TANGO2: variants seen among roughly 807,000 people sequenced by gnomAD.
TANGO2 encodes transport and golgi organization 2 homolog.
TANGO2 carries 26 observed loss-of-function variants against 39.1 expected under a neutral mutation model. The ratio of observed to expected loss-of-function variants is 0.67; its 90% confidence interval spans 0.49 to 0.92. The LOEUF (loss-of-function observed/expected upper bound fraction) is 0.92, where lower values mean the gene tolerates loss of function less well. TANGO2 is among the 40% of genes least tolerant of loss of function. TANGO2 has a pLI of 0.00. For missense variants in TANGO2, 326 were observed against 360.1 expected, an observed-to-expected ratio of 0.91 and a Z score of 0.77; for synonymous variants, 131 against 144.5, an observed-to-expected ratio of 0.91 and a Z score of 0.67.
upstream of TANGO2, among the ~76,000 whole-genome samples, chr22:20,020,090 T>C (rs1167280416): frequency 6.6e-6 from 1 of 152,044 alleles, no homozygotes; most frequent in Non-Finnish European, 1.5e-5. Context: ...TCAACACAGG[T>C]TGAAGCTAAT....
rs768281102 is a variant in TANGO2 at position 20,022,092 on chromosome 22, G to A, written c.-40+846G>A. Among the ~76,000 whole-genome samples, 4 of 152,260 alleles carry A rather than the reference G, an allele frequency of 2.6e-5. No homozygotes were observed. In the East Asian group the frequency reaches 5.8e-4, roughly 22 times the overall value. The stretch of plus-strand genomic sequence containing the variant: ...TGACGGCAGCTATAAGGGGGTAGCT[G>A]AGTAGCTCTTTGGAAGGCTTTCTCA... On this transcript the variant is annotated intron_variant, in intron 1 of 8. Transcript: ENST00000327374.
In TANGO2 at chr22:20,050,660, C is replaced by CTTTT. The variant is rs74915154; in HGVS notation, c.146-1792_146-1789dup. Among the ~76,000 whole-genome samples, 3 of 128,716 alleles carry CTTTT rather than the reference C, an allele frequency of 2.3e-5. No homozygotes were observed. The Admixed American group carries it at 2.4e-4, about 10-fold the overall frequency. The allele number at this position is 128,716 out of a possible 152,430, so 84.4% of individuals were successfully genotyped here. A position where few individuals can be genotyped will look rare whatever the true frequency, so the allele number is the denominator to read the frequency against. The stretch of plus-strand genomic sequence containing the variant: ...TACAGGCGTGAGCCACTGCACCCGG[C>CTTTT]TTTTTTTTTTTTTTTTAATCACACT... On this transcript the variant is annotated intron_variant, in intron 3 of 8. Coordinates refer to ENST00000327374, the MANE Select transcript of TANGO2 (RefSeq NM_152906.7).
At chr22:20,035,623 T>C (rs1270677798) in intron 1 of TANGO2, among the ~76,000 whole-genome samples, 4 of 152,186 alleles carry the variant, frequency 2.6e-5, no homozygotes. Flanking sequence ...CCGGCACGTG[T>C]CCATGCCAGC....
chr22:20,021,367 C>G (rs973892744), intron 1 of TANGO2, 121 bp downstream of exon 1: 1 of 152,312 alleles, frequency 6.6e-6, no homozygotes, highest in Non-Finnish European at 1.5e-5. Flanking sequence ...AAATGCCCCG[C>G]GCGTTACTGG....
chr22:20,033,754 GGCACCTTGGGT>G, intron 1 of TANGO2, among the ~76,000 whole-genome samples: 1 of 152,226 alleles, frequency 6.6e-6, no homozygotes, highest in Non-Finnish European at 1.5e-5. Flanking sequence ...CCCCATCAGT[GGCACCTTGGGT>G]GCACTCCCAA....
At chr22:20,050,863 CAG>C (rs1255695735) in intron 3 of TANGO2, among the ~76,000 whole-genome samples, 1 of 132,782 alleles carries the variant, frequency 7.5e-6, no homozygotes, top group Non-Finnish European at 1.6e-5. Flanking sequence ...TTTTTTGAGA[CAG>C]AGTTTCGCTG....
intron 3 of TANGO2, among the ~76,000 whole-genome samples, chr22:20,045,674 T>C (rs1464903210): frequency 6.6e-6 from 1 of 151,984 alleles, no homozygotes; most frequent in Non-Finnish European, 1.5e-5. Context: ...AGGCTAATTT[T>C]GTATTTTTAG....
At chr22:20,048,625 G>T (rs758987351) in intron 3 of TANGO2, among the ~76,000 whole-genome samples, 1 of 151,906 alleles carries the variant, frequency 6.6e-6, no homozygotes, top group African/African-American at 2.4e-5. Flanking sequence ...TTTCCTTAAT[G>T]ATAGCTTATG....
At chr22:20,028,595 A>C (rs1888416234) in intron 1 of TANGO2, among the ~76,000 whole-genome samples, 2 of 152,244 alleles carry the variant, frequency 1.3e-5, no homozygotes, top group African/African-American at 2.4e-5. Context: ...ATGAACAGGC[A>C]GCGTATGGGA....
intron 7 of TANGO2, 137 bp from the exon 8 acceptor site, chr22:20,063,201 A>G (rs1386553541): frequency 1.6e-6 from 1 of 640,156 alleles, no homozygotes. Context: ...GGAAAAAGAA[A>G]AGAAGAAAAG....
intron 1 of TANGO2, among the ~76,000 whole-genome samples, chr22:20,021,509 C>T (rs796566432): frequency 1.3e-5 from 2 of 152,192 alleles, no homozygotes; most frequent in Non-Finnish European, 2.9e-5. Context: ...GTGGGCTGCT[C>T]GGCCTTGGCC....
At chr22:20,046,040 G>A (rs560853422) in intron 3 of TANGO2, among the ~76,000 whole-genome samples, 37 of 152,140 alleles carry the variant, frequency 2.4e-4, no homozygotes, top group Admixed American at 1.2e-3. Context: ...TCTCCTCCCT[G>A]AGATGCTGAT....
At chr22:20,043,926 T>A (rs1291852667) in intron 3 of TANGO2, among the ~76,000 whole-genome samples, 1 of 152,188 alleles carries the variant, frequency 6.6e-6, no homozygotes, top group African/African-American at 2.4e-5. Flanking sequence ...CCCCGTCACC[T>A]GCACCATGCC....
intron 3 of TANGO2, among the ~76,000 whole-genome samples, chr22:20,051,234 A>C (rs1433203910): frequency 1.3e-5 from 2 of 151,920 alleles, no homozygotes; most frequent in Non-Finnish European, 2.9e-5. Flanking sequence ...TTATTGTTAT[A>C]AAAATAATAT....
intron 1 of TANGO2, among the ~76,000 whole-genome samples, chr22:20,031,184 C>A (rs547705293): frequency 6.9e-6 from 1 of 144,160 alleles, no homozygotes; most frequent in Non-Finnish European, 1.5e-5. Context: ...GGTGACAGAT[C>A]GAGACTCTGT....
intron 7 of TANGO2, 82 bp from the exon 8 acceptor site, chr22:20,063,256 G>A: frequency 8.0e-7 from 1 of 1,250,722 alleles, no homozygotes; most frequent in Non-Finnish European, 1.2e-6. Flanking sequence ...AGCCAGTTAG[G>A]CCACCAGGTG....
At chr22:20,033,224 A>G (rs750548742) in intron 1 of TANGO2, 1 of 527,792 alleles carries the variant, frequency 1.9e-6, no homozygotes, top group Non-Finnish European at 3.9e-6. Flanking sequence ...CCTCCCAATG[A>G]CCGCGTCTTC....
rs2147635738 is a variant in TANGO2 at position 20,055,941 on chromosome 22, A to G, written c.381-2A>G. The G allele has an allele frequency of 6.2e-7, 1 of 1,613,456 alleles. No individual in the cohort carries two copies. Among genetic ancestry groups the G allele is most frequent in the Admixed American group, 1.7e-5 (1 of 60,032 alleles). ...CTGACATTCTCTCCCCTTGGCCTGC[A>G]GCACAGCAAAGGGAGACGTCATTTG... is the stretch of plus-strand genomic sequence containing the variant. On this transcript the variant is annotated splice_acceptor_variant, in intron 5 of 8. Coordinates refer to ENST00000327374, the MANE Select transcript of TANGO2 (RefSeq NM_152906.7). LOFTEE classifies it high-confidence loss of function.
intron 1 of TANGO2, among the ~76,000 whole-genome samples, chr22:20,025,974 G>A (rs868547864): frequency 1.3e-5 from 2 of 152,258 alleles, no homozygotes; most frequent in Admixed American, 1.3e-4. Flanking sequence ...GTGACTAGAA[G>A]TCCAGGATGT....
Sources: gnomAD v4.1 joint callset for allele counts (sites outside exome capture counted in the v4.1 genomes callset) on GRCh38, gnomAD v4.1.1 for gene constraint, MANE v1.5 for transcripts, NCBI Gene and HGNC (gene_info 2026-07-23, HGNC 2026-07-21) for gene names.